Variants in PTPRF observed in about 807,000 individuals in gnomAD.
The protein encoded by PTPRF is receptor-type tyrosine-protein phosphatase F.
PTPRF carries 59 observed loss-of-function variants against 201.8 expected under a neutral mutation model. The observed-to-expected ratio is 0.29, with a 90% CI of 0.24 to 0.36. The LOEUF is 0.36. PTPRF is among the 10% of genes least tolerant of loss of function. PTPRF has a pLI of 1.00. For missense variants in PTPRF, 2,132 were observed against 2,690.5 expected, an observed-to-expected ratio of 0.79 and a Z score of 4.59; for synonymous variants, 1,088 against 1,089.7, an observed-to-expected ratio of 1.00 and a Z score of 0.03.
intron 33 of PTPRF, among the ~76,000 whole-genome samples, chr1:43,621,579 G>A (rs938646959): frequency 1.4e-4 from 22 of 152,218 alleles, no homozygotes; most frequent in African/African-American, 5.3e-4. Context: ...GGGGATTGAT[G>A]AGTAAGATGT....
chr1:43,593,097 G>C (rs910390865), intron 11 of PTPRF, among the ~76,000 whole-genome samples: 1 of 152,210 alleles, frequency 6.6e-6, no homozygotes, highest in African/African-American at 2.4e-5. Flanking sequence ...CTGCACTCGG[G>C]GACAGGTCTG....
chr1:43,550,310 C>T (rs1644941911), intron 3 of PTPRF, among the ~76,000 whole-genome samples: 1 of 152,228 alleles, frequency 6.6e-6, no homozygotes. Flanking sequence ...GGCTCTCCTC[C>T]CCGGCGTCTC....
intron 6 of PTPRF, among the ~76,000 whole-genome samples, chr1:43,572,314 T>C (rs577106600): frequency 5.7e-4 from 87 of 152,372 alleles, no homozygotes; most frequent in Non-Finnish European, 1.1e-3. Flanking sequence ...CACTTGTCCC[T>C]GTAGGCTAAT....
intron 23 of PTPRF, among the ~76,000 whole-genome samples, chr1:43,615,311 T>A (rs1260881479): frequency 6.6e-6 from 1 of 152,192 alleles, no homozygotes; most frequent in East Asian, 1.9e-4. Context: ...CTGCCTCCCA[T>A]GGCCTCCACC....
chr1:43,605,126 G>A (rs930867474), intron 17 of PTPRF, 64 bp from the exon 18 acceptor site: 4 of 1,575,654 alleles, frequency 2.5e-6, no homozygotes, highest in East Asian at 2.3e-5. Context: ...CGTGCACTGT[G>A]CCTTGCAGCC....
rs373989626 is a variant in PTPRF, at chr1:43,620,082, A to G, written c.5112-13A>G. 4.0e-5 allele frequency: 64 copies of G among 1,613,736 alleles called. No individual in the cohort carries two copies. Among genetic ancestry groups the G allele is most frequent in the Non-Finnish European group, 4.8e-5 (57 of 1,179,840 alleles). On this transcript the variant is annotated splice_polypyrimidine_tract_variant and intron_variant, in intron 29 of 33. Transcript: ENST00000359947. ...CAGCACCTCCAGCATGTCCAGTCTT[A>G]TGTCCACCCCAGACAGCAGAAGGCC...
chr1:43,565,920 G>T (rs1157846365), intron 5 of PTPRF, among the ~76,000 whole-genome samples: 3 of 152,232 alleles, frequency 2.0e-5, no homozygotes, highest in Admixed American at 6.5e-5. Context: ...CTACCGGCTG[G>T]CCTGGAGCGG....
chr1:43,576,258 T>C (rs977345671), intron 6 of PTPRF, among the ~76,000 whole-genome samples: 2 of 152,240 alleles, frequency 1.3e-5, no homozygotes. Flanking sequence ...GTCCCCCGGC[T>C]TCCCTAGACA....
rs1407452750 is a variant in PTPRF, at chr1:43,554,903, G to C, written c.379+962G>C. Among the ~76,000 whole-genome samples the C allele has an allele frequency of 2.0e-5, 3 of 149,868 alleles. No individual in the cohort carries two copies. The highest frequency in any genetic ancestry group is 4.4e-5 in the Non-Finnish European group (3 of 67,688). On this transcript the variant is annotated intron_variant, in intron 5 of 33. Coordinates refer to ENST00000359947, the MANE Select transcript of PTPRF (RefSeq NM_002840.5). The surrounding 1 kb of genome is among the most constrained non-coding windows in gnomAD (Gnocchi z 4.1). ...AGTCTCACTCTTGTTGCCCAGGCTG[G>C]AGTGCAATGGTGTGATCTCAGCTCA...
At chr1:43,539,864 T>A (rs991390202) in intron 2 of PTPRF, among the ~76,000 whole-genome samples, 9 of 152,070 alleles carry the variant, frequency 5.9e-5, no homozygotes, top group African/African-American at 2.2e-4. Flanking sequence ...TTCTGGAGGC[T>A]GGGTAGGGCT....
At chr1:43,565,354 T>G (rs1646088972) in intron 5 of PTPRF, among the ~76,000 whole-genome samples, 1 of 152,108 alleles carries the variant, frequency 6.6e-6, no homozygotes, top group Admixed American at 6.5e-5. Context: ...AGGGGACAGG[T>G]CTCCTTGCTG....
intron 13 of PTPRF, among the ~76,000 whole-genome samples, chr1:43,601,839 C>T (rs1653826241): frequency 6.6e-6 from 1 of 152,210 alleles, no homozygotes; most frequent in Non-Finnish European, 1.5e-5. Flanking sequence ...GCTGCCTGCC[C>T]TCCCTGTCTC....
At chr1:43,528,199 AT>A (rs954559051), upstream of PTPRF, among the ~76,000 whole-genome samples, 9 of 152,024 alleles carry the variant, frequency 5.9e-5, no homozygotes, top group African/African-American at 2.2e-4. Context: ...CTTTTATTTT[AT>A]TTTATTTTTT....
At chr1:43,601,968 C>A in intron 13 of PTPRF, 103 bp from the exon 14 acceptor site, 1 of 1,407,536 alleles carries the variant, frequency 7.1e-7, no homozygotes. Context: ...CCCAAAAGCC[C>A]TCCCTCTGTC....
chr1:43,560,105 AGTGTGTGT>A (rs58961389), intron 5 of PTPRF, among the ~76,000 whole-genome samples: 3 of 139,784 alleles, frequency 2.1e-5, no homozygotes, highest in East Asian at 2.2e-4. Flanking sequence ...TGCAGCAGGC[AGTGTGTGT>A]GTGTGTGTGT....
At chr1:43,549,984 G>A (rs756606067) in intron 3 of PTPRF, among the ~76,000 whole-genome samples, 1 of 152,204 alleles carries the variant, frequency 6.6e-6, no homozygotes, top group Non-Finnish European at 1.5e-5. Context: ...TTAGATCTGT[G>A]CTCCCCAAAG....
intron 5 of PTPRF, among the ~76,000 whole-genome samples, chr1:43,563,605 G>C (rs1199129267): frequency 6.6e-6 from 1 of 152,198 alleles, no homozygotes; most frequent in African/African-American, 2.4e-5. Context: ...AGAGAAAAAA[G>C]TGTGCGAAGG....
upstream of PTPRF, among the ~76,000 whole-genome samples, chr1:43,527,100 G>T (rs140332442): frequency 7.0e-4 from 106 of 152,344 alleles, no homozygotes; most frequent in African/African-American, 2.5e-3. Flanking sequence ...GTCATGAGTT[G>T]CAGAGAGTGT....
Position 43,546,724 on chromosome 1 carries a change from C to G in PTPRF, c.91+1558C>G, listed in dbSNP as rs527555751. Among the ~76,000 whole-genome samples the G allele has an allele frequency of 1.4e-4, 22 of 152,246 alleles. No individual in the cohort carries two copies. In the South Asian group the frequency reaches 3.7e-3, roughly 26 times the overall value. ...ACCCAACGCGCCCCAACCTGTACCCCTCACTCTCATCCCCCAGCCTGCTGT... is the reference window on the plus strand; with the variant it reads ...ACCCAACGCGCCCCAACCTGTACCCGTCACTCTCATCCCCCAGCCTGCTGT... On this transcript the variant is annotated intron_variant, in intron 3 of 33. Transcript: ENST00000359947. The surrounding 1 kb of genome is among the most constrained non-coding windows in gnomAD (Gnocchi z 4.2).
Sources: allele counts gnomAD v4.1 joint callset (sites outside exome capture counted in the v4.1 genomes callset), GRCh38; gene constraint gnomAD v4.1.1; non-coding constraint Gnocchi (gnomAD v3.1); transcripts MANE v1.5; gene names NCBI Gene and HGNC (gene_info 2026-07-23, HGNC 2026-07-21).